The following DGKQ variants were observed in gnomAD, a reference collection of about 807,000 sequenced individuals.
DGKQ encodes diacylglycerol kinase theta, also known as DAG kinase theta.
In DGKQ, 97 loss-of-function variants were observed where a neutral mutation model predicts 104.2. The ratio of observed to expected loss-of-function variants is 0.93; its 90% CI spans 0.79 to 1.10. The LOEUF (loss-of-function observed/expected upper bound fraction) is 1.10. DGKQ is among the 50% of genes least tolerant of loss of function. The pLI, the probability that DGKQ is intolerant of heterozygous loss-of-function variation, is 0.00. For synonymous variants in DGKQ, 736 were observed against 595.2 expected, an observed-to-expected ratio of 1.24 and a Z score of -3.44; for missense variants, 1,465 against 1,352.1, an observed-to-expected ratio of 1.08 and a Z score of -1.31.
intron 15 of DGKQ, chr4:964,157 C>T (rs1246490484): frequency 6.5e-6 from 1 of 154,642 alleles, no homozygotes; most frequent in Non-Finnish European, 1.5e-5. Context: ...GCGAGTGGAG[C>T]TGGGGTGGGG....
rs935254800 is a variant in DGKQ, at chr4:960,458, C to G, written c.*162G>C. On this transcript the variant is annotated 3_prime_UTR_variant, in exon 23 of 23. Coordinates refer to ENST00000273814, the MANE Select transcript of DGKQ (RefSeq NM_001347.4). ...ACATGTGTCACCAATGGGATGAGGG[C>G]GGGTCCCGCTCCGTCACTGGGAAGA... 1 of 637,688 alleles carries G rather than the reference C, an allele frequency of 1.6e-6. No homozygotes were observed. Among genetic ancestry groups the G allele is most frequent in the Non-Finnish European group, 2.8e-6 (1 of 358,888 alleles). 39.5% of individuals were successfully genotyped at this position (637,688 alleles called of 1,614,324 possible).
Position 961,669 on chromosome 4 carries a change from G to T in DGKQ, c.2462+19C>A. On this transcript the variant is annotated intron_variant, in intron 20 of 22. Coordinates refer to ENST00000273814, the MANE Select transcript of DGKQ (RefSeq NM_001347.4). ...GGCCCCGCCGGGCAGAGCCTCTGGG[G>T]AGCCCCGCCCGCGAGCACCTGGGGA... is the stretch of plus-strand genomic sequence containing the variant. 1.9e-6 allele frequency: 3 copies of T among 1,612,062 alleles called. No homozygotes were observed. Among genetic ancestry groups the T allele is most frequent in the Non-Finnish European group, 2.5e-6 (3 of 1,179,822 alleles).
At chr4:972,962 GC>G (rs894523870) in intron 1 of DGKQ, among the ~76,000 whole-genome samples, 1 of 152,224 alleles carries the variant, frequency 6.6e-6, no homozygotes, top group Non-Finnish European at 1.5e-5. Flanking sequence ...ATCAGGCACA[GC>G]CCCTGGGTCG....
chr4:972,986 G>C (rs962639241), intron 1 of DGKQ, among the ~76,000 whole-genome samples: 1 of 152,196 alleles, frequency 6.6e-6, no homozygotes, highest in African/African-American at 2.4e-5. Context: ...GCCATCGCGC[G>C]GCACTATGGA....
In DGKQ at chr4:967,863, G is replaced by T; in HGVS notation, c.811+17C>A. The T allele has an allele frequency of 6.8e-7, 1 of 1,475,612 alleles. No individual in the cohort carries two copies. 91.4% of individuals were successfully genotyped at this position (1,475,612 alleles called of 1,614,324 possible). On this transcript the variant is annotated intron_variant, in intron 6 of 22. Transcript: ENST00000273814. ...GCAGCCCCCAGCCCAGGGCGCCCCG[G>T]CCGGCCCGCACCTCACCCGGCTCCG...
chr4:967,920 G>C lies in DGKQ; in HGVS notation c.771C>G (p.Ser257Arg). The C allele has an allele frequency of 6.8e-7, 1 of 1,465,194 alleles. No homozygotes were observed. The highest frequency in any genetic ancestry group is 2.6e-5 in the East Asian group (1 of 37,858). 90.8% of individuals were successfully genotyped at this position (1,465,194 alleles called of 1,614,324 possible). A position where few individuals can be genotyped will look rare whatever the true frequency, so the allele number is the denominator to read the frequency against. ...CCACGATGCGGAAGCTCTGCGTCTT[G>C]CTGAAGCCGCCGGGCAGAAGGCGCA... The part of the protein sequence containing the change: ...ACVRLLPGGF[S>R]KTQSFRIVEA... Residue 257 changes from serine (S) to arginine (R), a missense_variant, in exon 6 of 23, where the codon AGC becomes AGG. Coordinates refer to ENST00000273814, the MANE Select transcript of DGKQ (RefSeq NM_001347.4).
At chr4:963,368 A>C in intron 15 of DGKQ, 78 bp from the exon 16 acceptor site, 1 of 1,404,182 alleles carries the variant, frequency 7.1e-7, no homozygotes, top group East Asian at 2.4e-5. Flanking sequence ...GGCAGTGCCC[A>C]GCCCCCAACC....
At chr4:961,608 G>A (rs761106852) in intron 20 of DGKQ, 30 bp from the exon 21 acceptor site, 1 of 1,610,140 alleles carries the variant, frequency 6.2e-7, no homozygotes, top group Admixed American at 1.7e-5. Flanking sequence ...GCACAGAGGT[G>A]TAGGTGCAGG....
chr4:962,359 G>A, intron 18 of DGKQ, 76 bp downstream of exon 18: 2 of 1,404,286 alleles, frequency 1.4e-6, no homozygotes, highest in Admixed American at 4.4e-5. Context: ...GCTGGGAAGA[G>A]GACGCCCGTT....
At position 966,481 on chromosome 4, in the gene DGKQ, T is replaced by C; in HGVS notation, c.1413A>G (p.Leu471=). 1 of 1,612,548 alleles carries C rather than the reference T, an allele frequency of 6.2e-7. No individual in the cohort carries two copies. Residue 471 remains leucine, a synonymous_variant, in exon 12 of 23, where the codon CTA becomes CTG. Coordinates refer to ENST00000273814, the MANE Select transcript of DGKQ (RefSeq NM_001347.4). The part of the protein sequence containing the change: ...LMDEQPLLDR[L]QDIRQMSVRQ... ...ACCCACTCACCTGCCGGATGTCCTG[T>C]AGCCGGTCCAGCAGGGGCTGTTCGT... is the stretch of plus-strand genomic sequence containing the variant.
In DGKQ at chr4:960,342, C is replaced by T. The variant is rs1051033191; in HGVS notation, c.*278G>A. ...GACCAGGCCCCCACAGGGCAGAGGGCTCACCATCCAGAGCCCTGCGCCCAC... is the reference window on the plus strand; with the variant it reads ...GACCAGGCCCCCACAGGGCAGAGGGTTCACCATCCAGAGCCCTGCGCCCAC... On this transcript the variant is annotated 3_prime_UTR_variant, in exon 23 of 23. Coordinates refer to ENST00000273814, the MANE Select transcript of DGKQ (RefSeq NM_001347.4). 1 of 526,060 alleles carries T rather than the reference C, an allele frequency of 1.9e-6. No individual in the cohort carries two copies. Among genetic ancestry groups the T allele is most frequent in the Admixed American group, 3.2e-5 (1 of 31,466 alleles). 32.6% of individuals were successfully genotyped at this position (526,060 alleles called of 1,614,324 possible).
Position 961,143 on chromosome 4 carries a change from C to T in DGKQ, c.2633G>A (p.Arg878Gln), listed in dbSNP as rs543054060. 3.7e-6 allele frequency: 6 copies of T among 1,606,258 alleles called. No homozygotes were observed. The highest frequency in any genetic ancestry group is 3.4e-5 in the Admixed American group (2 of 58,514). Reference protein sequence around the residue: ...GIRIAQGSYFRVTLLKATPVQ... With the variant: ...GIRIAQGSYFQVTLLKATPVQ... ...CGGGGTGGCCTTGAGGAGCGTGACT[C>T]GGAAGTAGGAACCCTGGGCAATCCG... The change falls in exon 22 of 23, where the codon CGA (arginine) becomes CAA (glutamine). Residue 878 changes from arginine to glutamine, a missense_variant. Physicochemically the swap from Arg to Gln is conservative, Grantham distance 43 (BLOSUM62 1). Coordinates refer to ENST00000273814, the MANE Select transcript of DGKQ (RefSeq NM_001347.4).
Position 973,276 on chromosome 4 carries a change from G to A in DGKQ, c.207C>T (p.Thr69=). ...PGHSFRKVTL[T]KPTFCHLCSD... ...AGCAGAGGTGGCAGAAGGTGGGCTT[G>A]GTGAGCGTCACCTTCCGGAAGCTGT... Residue 69 remains threonine (T), a synonymous_variant, in exon 1 of 23, where the codon ACC becomes ACT. Transcript: ENST00000273814. The A allele has an allele frequency of 5.2e-6, 8 of 1,543,538 alleles. No individual in the cohort carries two copies. Among genetic ancestry groups the A allele is most frequent in the Non-Finnish European group, 7.0e-6 (8 of 1,148,156 alleles).
At chr4:960,762 C>A in intron 22 of DGKQ, 41 bp from the exon 23 acceptor site, 1 of 1,602,814 alleles carries the variant, frequency 6.2e-7, no homozygotes, top group South Asian at 1.1e-5. Context: ...GTGACATGGC[C>A]GATGAAAGAA....
In DGKQ at chr4:966,531, C is replaced by T. The variant is rs768210847; in HGVS notation, c.1367-4G>A. 7 of 1,611,734 alleles carry T rather than the reference C, an allele frequency of 4.3e-6. No homozygotes were observed. The South Asian group carries it at 6.6e-5, about 15-fold the overall frequency. ...TCCATCAGCATCGTCCGCTGGACTG[C>T]AGAGGTGAGGGCACAGGCCGTCAGC... On this transcript the variant is annotated splice_region_variant and splice_polypyrimidine_tract_variant and intron_variant, in intron 11 of 22. Coordinates refer to ENST00000273814, the MANE Select transcript of DGKQ (RefSeq NM_001347.4).
Position 960,608 on chromosome 4 carries a change from C to T in DGKQ, c.*12G>A. The T allele has an allele frequency of 6.2e-7, 1 of 1,606,468 alleles. No individual in the cohort carries two copies. The highest frequency in any genetic ancestry group is 8.5e-7 in the Non-Finnish European group (1 of 1,176,216). On this transcript the variant is annotated 3_prime_UTR_variant, in exon 23 of 23. Coordinates refer to ENST00000273814, the MANE Select transcript of DGKQ (RefSeq NM_001347.4). Reference sequence around the variant, plus strand: ...AGAGATGGCTCGAGCCCTTGGGCTGCCCCAGCCACCCCTACCTAGGATCGC... The same window carrying T: ...AGAGATGGCTCGAGCCCTTGGGCTGTCCCAGCCACCCCTACCTAGGATCGC...
Position 959,671 on chromosome 4 carries a change from G to A in DGKQ, c.*949C>T, listed in dbSNP as rs75067698. On this transcript the variant is annotated 3_prime_UTR_variant, in exon 23 of 23. Coordinates refer to ENST00000273814, the MANE Select transcript of DGKQ (RefSeq NM_001347.4). The stretch of plus-strand genomic sequence containing the variant: ...TGCACATCAACAGCGGGCAAGCAGC[G>A]TGGAAAGTGCTAGCGTGGGGTCTGG... The A allele has an allele frequency of 0.032, 4,890 of 152,552 alleles. 129 individuals are homozygous for A. Among genetic ancestry groups the A allele is most frequent in the East Asian group, 0.12 (614 of 5,178 alleles). 9.4% of individuals were successfully genotyped at this position (152,552 alleles called of 1,614,324 possible).
At chr4:967,497 G>C in intron 8 of DGKQ, 52 bp downstream of exon 8, 2 of 1,572,894 alleles carry the variant, frequency 1.3e-6, no homozygotes, top group East Asian at 2.2e-5. Context: ...GCCAGGTGCG[G>C]GGACATGCGG....
chr4:965,408 G>A (rs890733780), intron 14 of DGKQ, 83 bp downstream of exon 14: 127 of 1,548,950 alleles, frequency 8.2e-5, no homozygotes, highest in Non-Finnish European at 1.0e-4. Flanking sequence ...AAGGTCAGGT[G>A]CTACGTGAGG....
Sources: allele counts gnomAD v4.1 joint callset (sites outside exome capture counted in the v4.1 genomes callset), GRCh38; gene constraint gnomAD v4.1.1; transcripts MANE v1.5; gene names NCBI Gene and HGNC (gene_info 2026-07-23, HGNC 2026-07-21).